Variants in ARID5A observed in about 807,000 individuals in gnomAD.
ARID5A encodes the protein AT-rich interactive domain-containing protein 5A.
Under a neutral mutation model 30.5 loss-of-function variants are expected in ARID5A, and 14 were observed. The observed-to-expected ratio is 0.46, with a 90% CI of 0.30 to 0.72. The LOEUF (loss-of-function observed/expected upper bound fraction) is 0.72. Among genes scored for constraint, ARID5A ranks in the 30% least tolerant of loss-of-function variants. The probability of loss-of-function intolerance (pLI) is 0.07; values close to 1 mark genes in which losing one functional copy is unlikely to be tolerated. For synonymous variants in ARID5A, 338 were observed against 340.4 expected, an observed-to-expected ratio of 0.99 and a Z score of 0.08; for missense variants, 669 against 786.2, an observed-to-expected ratio of 0.85 and a Z score of 1.78.
At chr2:96,544,880 G>A (rs2065900428) in intron 1 of ARID5A, among the ~76,000 whole-genome samples, 1 of 152,182 alleles carries the variant, frequency 6.6e-6, no homozygotes, top group African/African-American at 2.4e-5. Flanking sequence ...TGTGGTTCGT[G>A]GGAGGAGGTC....
Position 96,550,574 on chromosome 2 carries a change from G to A in ARID5A, c.411G>A (p.Arg137=). The change falls in exon 6 of 7, where the codon AGG becomes AGA. Residue 137 remains arginine (R), a splice_region_variant and synonymous_variant. Transcript: ENST00000357485. This position sits in a 1 kb window ranked among gnomAD's most constrained non-coding sequence, Gnocchi z 6.6. ...AATCTRRHYE[R]LVLPYVRHLK... is the part of the protein sequence containing the mutation. The stretch of plus-strand genomic sequence containing the variant: ...GGGGACATGCGTGGTTCCTCACCAG[G>A]CTGGTCCTGCCATACGTGCGGCACC... 1 of 1,595,780 alleles carries A rather than the reference G, an allele frequency of 6.3e-7. No homozygotes were observed. Among genetic ancestry groups the A allele is most frequent in the African/African-American group, 1.3e-5 (1 of 74,642 alleles).
chr2:96,550,519 C>T lies in ARID5A; in HGVS notation c.411-55C>T. On this transcript the variant is annotated intron_variant, in intron 5 of 6. Transcript: ENST00000357485. The surrounding 1 kb of genome is among the most constrained non-coding windows in gnomAD (Gnocchi z 6.6). Reference sequence around the variant, plus strand: ...GGGGGCTCAGAGGAGGCTACAGAGGCCCAGGGAGGGGATGGGCGCCGGCCT... The same window carrying T: ...GGGGGCTCAGAGGAGGCTACAGAGGTCCAGGGAGGGGATGGGCGCCGGCCT... 1 of 1,535,936 alleles carries T rather than the reference C, an allele frequency of 6.5e-7. No individual in the cohort carries two copies. The highest frequency in any genetic ancestry group is 8.8e-7 in the Non-Finnish European group (1 of 1,139,366).
Position 96,550,289 on chromosome 2 carries a change from C to T in ARID5A, c.410+4C>T, listed in dbSNP as rs945111325. 2.8e-5 allele frequency: 40 copies of T among 1,444,130 alleles called. No homozygotes were observed. The East Asian group carries it at 4.9e-4, about 18-fold the overall frequency. 89.5% of individuals were successfully genotyped at this position (1,444,130 alleles called of 1,614,324 possible). A position where few individuals can be genotyped will look rare whatever the true frequency, so the allele number is the denominator to read the frequency against. ...GCACGCGCCGCCACTACGAGAGGTACGGCGGGGCGGGCCCGGGTGCTGGAC... is the reference window on the plus strand; with the variant it reads ...GCACGCGCCGCCACTACGAGAGGTATGGCGGGGCGGGCCCGGGTGCTGGAC... On this transcript the variant is annotated splice_donor_region_variant and intron_variant, in intron 5 of 6. Coordinates refer to ENST00000357485, the MANE Select transcript of ARID5A (RefSeq NM_212481.3). This position sits in a 1 kb window ranked among gnomAD's most constrained non-coding sequence, Gnocchi z 6.6.
chr2:96,552,419 GGCCATGCCCCTGGCTGGGCA>G lies in ARID5A; in HGVS notation c.*110_*129del. 6.4e-6 allele frequency: 10 copies of G among 1,567,924 alleles called. No individual in the cohort carries two copies. Among genetic ancestry groups the G allele is most frequent in the Non-Finnish European group, 7.8e-6 (9 of 1,158,374 alleles). On this transcript the variant is annotated 3_prime_UTR_variant, in exon 7 of 7. Transcript: ENST00000357485. ...TAGTGCCTGCTACCCAGGACACCCG[GGCCATGCCCCTGGCTGGGCA>G]GCCTGGCACAAGTGAAGAAGAAGGC...
At position 96,537,973 on chromosome 2, in the gene ARID5A, A is replaced by C. The variant is rs1314876613; in HGVS notation, c.4+1143A>C. 1 of 985,278 alleles carries C rather than the reference A, an allele frequency of 1.0e-6. No homozygotes were observed. Among genetic ancestry groups the C allele is most frequent in the East Asian group, 1.1e-4 (1 of 8,816 alleles). 61.0% of individuals were successfully genotyped at this position (985,278 alleles called of 1,614,324 possible). A position where few individuals can be genotyped will look rare whatever the true frequency, so the allele number is the denominator to read the frequency against. On this transcript the variant is annotated intron_variant, in intron 1 of 6. Coordinates refer to ENST00000357485, the MANE Select transcript of ARID5A (RefSeq NM_212481.3). The surrounding 1 kb of genome is among the most constrained non-coding windows in gnomAD (Gnocchi z 4.8). Reference sequence around the variant, plus strand: ...GCTCCTCTGGTGGGAGCCCACACGCACGGTGGCGTCACTGCGCCTACAGGC... The same window carrying C: ...GCTCCTCTGGTGGGAGCCCACACGCCCGGTGGCGTCACTGCGCCTACAGGC...
rs2065812929 is a variant in ARID5A at position 96,539,760 on chromosome 2, G to T, written c.4+2930G>T. ...CCGCTGCTGCCCAGCTCTCTGACCA[G>T]CCCCCTCCCATCCCTGAGCCTGGAT... On this transcript the variant is annotated intron_variant, in intron 1 of 6. Transcript: ENST00000357485. This position sits in a 1 kb window ranked among gnomAD's most constrained non-coding sequence, Gnocchi z 4.7. 7.2e-6 allele frequency among the ~76,000 whole-genome samples: 1 copy of T among 138,382 alleles called. No individual in the cohort carries two copies. The highest frequency in any genetic ancestry group is 3.0e-5 in the African/African-American group (1 of 32,908). 90.8% of individuals were successfully genotyped at this position (138,382 alleles called of 152,430 possible).
Position 96,550,228 on chromosome 2 carries a change from TG to T in ARID5A, c.359del (p.Gly120AlafsTer27), listed in dbSNP as rs1553396943. ...CTCTGGAAGAACGTGTACGACGAGC[TG>T]GGGGGCAGCCCAGGCAGCACCAGCG... ...RRLWKNVYDE[L>X]GGSPGSTSAA... On this transcript the variant is annotated frameshift_variant, in exon 5 of 7. Coordinates refer to ENST00000357485, the MANE Select transcript of ARID5A (RefSeq NM_212481.3). LOFTEE classifies it high-confidence loss of function. The surrounding 1 kb of genome is among the most constrained non-coding windows in gnomAD (Gnocchi z 6.6). 4 of 1,532,252 alleles carry T rather than the reference TG, an allele frequency of 2.6e-6. No individual in the cohort carries two copies. Among genetic ancestry groups the T allele is most frequent in the Non-Finnish European group, 3.5e-6 (4 of 1,141,484 alleles). The allele number at this position is 1,532,252 out of a possible 1,614,324, so 94.9% of individuals were successfully genotyped here.
rs1466965397 is a variant in ARID5A at position 96,550,687 on chromosome 2, C to T, written c.524C>T (p.Ala175Val). 6.3e-7 allele frequency: 1 copy of T among 1,598,994 alleles called. No homozygotes were observed. Among genetic ancestry groups the T allele is most frequent in the South Asian group, 1.1e-5 (1 of 88,032 alleles). ...AAGGAGAACAGGGGGGATGATGGGG[C>T]CACCGAGAGGCCGAAGAAGGCCAAG... ...MAKENRGDDG[A>V]TERPKKAKEE... The change falls in exon 6 of 7, where the codon GCC becomes GTC. Residue 175 changes from alanine (A) to valine (V), a missense_variant. Around this residue, in one of 4 missense-constraint regions of ARID5A, gnomAD observed 548 missense variants for 577.4 expected, o/e 0.95. Coordinates refer to ENST00000357485, the MANE Select transcript of ARID5A (RefSeq NM_212481.3). This position sits in a 1 kb window ranked among gnomAD's most constrained non-coding sequence, Gnocchi z 6.6.
Position 96,537,588 on chromosome 2 carries a change from TG to T in ARID5A, c.4+759del, listed in dbSNP as rs1484104379. On this transcript the variant is annotated intron_variant, in intron 1 of 6. Coordinates refer to ENST00000357485, the MANE Select transcript of ARID5A (RefSeq NM_212481.3). This position sits in a 1 kb window ranked among gnomAD's most constrained non-coding sequence, Gnocchi z 4.8. ...CTCTCCTGTCCCTTGTGTGTCCCCT[TG>T]TCTTCCCTCGGTCTGCAGAAGGGAC... 1.3e-5 allele frequency: 2 copies of T among 152,482 alleles called. No individual in the cohort carries two copies. Among genetic ancestry groups the T allele is most frequent in the Admixed American group, 6.5e-5 (1 of 15,290 alleles). The allele number at this position is 152,482 out of a possible 1,614,324, so 9.4% of individuals were successfully genotyped here.
In ARID5A at chr2:96,549,443, T is replaced by C; in HGVS notation, c.243T>C (p.His81=). The change falls in exon 3 of 7, where the codon CAT becomes CAC. Residue 81 remains histidine, a synonymous_variant. Transcript: ENST00000357485. The surrounding 1 kb of genome is among the most constrained non-coding windows in gnomAD (Gnocchi z 6.1). ...ERHTPIERVP[H]LGFKQINLWK... is the part of the protein sequence containing the mutation. The stretch of plus-strand genomic sequence containing the variant: ...ACACGCCCATCGAGAGGGTGCCCCA[T>C]CTCGGCTTCAAGCAGAGTGCGTCCC... 1 of 1,613,066 alleles carries C rather than the reference T, an allele frequency of 6.2e-7. No individual in the cohort carries two copies. The highest frequency in any genetic ancestry group is 1.1e-5 in the South Asian group (1 of 91,024).
At chr2:96,547,839 C>T (rs1018131260) in intron 2 of ARID5A, among the ~76,000 whole-genome samples, 2 of 152,206 alleles carry the variant, frequency 1.3e-5, no homozygotes, top group African/African-American at 4.8e-5. Context: ...TAAAGTCACT[C>T]GGTGAGACCA....
At chr2:96,545,903 A>G (rs2065919313) in intron 1 of ARID5A, among the ~76,000 whole-genome samples, 1 of 152,038 alleles carries the variant, frequency 6.6e-6, no homozygotes, top group Non-Finnish European at 1.5e-5. Context: ...GCAGTGAGCC[A>G]AGATCACGCC....
rs756270639 is a variant in ARID5A at position 96,551,160 on chromosome 2, C to T, written c.632C>T (p.Pro211Leu). Residue 211 changes from proline to leucine, a missense_variant, in exon 7 of 7, where the codon CCC (proline) becomes CTC (leucine). Around this residue, in one of 4 missense-constraint regions of ARID5A, gnomAD observed 548 missense variants for 577.4 expected, o/e 0.95. Coordinates refer to ENST00000357485, the MANE Select transcript of ARID5A (RefSeq NM_212481.3). ...ADPAPLPSQE[P>L]PRNSTEQQGL... ...CCAGCACCACTTCCCAGCCAGGAGC[C>T]CCCCAGGAACAGCACAGAACAGCAG... The T allele has an allele frequency of 1.9e-5, 31 of 1,613,774 alleles. No individual in the cohort carries two copies. Among genetic ancestry groups the T allele is most frequent in the Non-Finnish European group, 2.5e-5 (30 of 1,179,912 alleles).
Position 96,550,021 on chromosome 2 carries a change from G to C in ARID5A, c.313-167G>C. The C allele has an allele frequency of 6.5e-7, 1 of 1,533,910 alleles. No homozygotes were observed. The highest frequency in any genetic ancestry group is 2.4e-5 in the East Asian group (1 of 40,874). ...GCCCCGTGTTGGGAAAACTGCTTGG[G>C]CCAGCAGTCCATGGCCCTAGGAGAG... is the stretch of plus-strand genomic sequence containing the variant. On this transcript the variant is annotated intron_variant, in intron 4 of 6. Coordinates refer to ENST00000357485, the MANE Select transcript of ARID5A (RefSeq NM_212481.3). This position sits in a 1 kb window ranked among gnomAD's most constrained non-coding sequence, Gnocchi z 6.6.
In ARID5A at chr2:96,552,329, T is replaced by C. The variant is rs1285210824; in HGVS notation, c.*16T>C. The C allele has an allele frequency of 1.9e-6, 3 of 1,613,132 alleles. No individual in the cohort carries two copies. In the African/African-American group the frequency reaches 4.0e-5, roughly 22 times the overall value. ...CAAGCTGTAGGCCAGCCCATGGTGT[T>C]GTGTACACTGTGGAGTCGACAGGGG... is the stretch of plus-strand genomic sequence containing the variant. On this transcript the variant is annotated 3_prime_UTR_variant, in exon 7 of 7. Coordinates refer to ENST00000357485, the MANE Select transcript of ARID5A (RefSeq NM_212481.3).
At position 96,551,259 on chromosome 2, in the gene ARID5A, C is replaced by G; in HGVS notation, c.731C>G (p.Ser244Cys). Residue 244 changes from serine (S) to cysteine (C), a missense_variant, in exon 7 of 7, where the codon TCC becomes TGC. Coordinates refer to ENST00000357485, the MANE Select transcript of ARID5A (RefSeq NM_212481.3). ...GCPEAYKRLL[S>C]SFYCKGTHGI... is the part of the protein sequence containing the mutation. ...CCTGAGGCCTACAAGCGGCTCCTAT[C>G]CAGCTTCTACTGCAAGGGGACACAC... is the stretch of plus-strand genomic sequence containing the variant. 3 of 1,613,950 alleles carry G rather than the reference C, an allele frequency of 1.9e-6. No individual in the cohort carries two copies. The highest frequency in any genetic ancestry group is 2.5e-6 in the Non-Finnish European group (3 of 1,180,016).
Position 96,539,754 on chromosome 2 carries a change from T to C in ARID5A, c.4+2924T>C, listed in dbSNP as rs1186236500. ...CTCTCCCCGCTGCTGCCCAGCTCTCTGACCAGCCCCCTCCCATCCCTGAGC... is the reference window on the plus strand; with the variant it reads ...CTCTCCCCGCTGCTGCCCAGCTCTCCGACCAGCCCCCTCCCATCCCTGAGC... On this transcript the variant is annotated intron_variant, in intron 1 of 6. Coordinates refer to ENST00000357485, the MANE Select transcript of ARID5A (RefSeq NM_212481.3). The surrounding 1 kb of genome is among the most constrained non-coding windows in gnomAD (Gnocchi z 4.7). Among the ~76,000 whole-genome samples, 1 of 145,938 alleles carries C rather than the reference T, an allele frequency of 6.9e-6. No homozygotes were observed. The highest frequency in any genetic ancestry group is 2.6e-5 in the African/African-American group (1 of 38,754).
At chr2:96,544,171 A>G (rs2065887842) in intron 1 of ARID5A, among the ~76,000 whole-genome samples, 1 of 152,262 alleles carries the variant, frequency 6.6e-6, no homozygotes, top group South Asian at 2.1e-4. Flanking sequence ...GAAAGACGCC[A>G]TCACCATCAC....
intron 1 of ARID5A, among the ~76,000 whole-genome samples, chr2:96,543,516 T>C (rs781708077): frequency 1.3e-5 from 2 of 152,176 alleles, no homozygotes; most frequent in Non-Finnish European, 2.9e-5. Flanking sequence ...TTATTATATC[T>C]GTTATGGTGA....
Sources: gnomAD v4.1 joint callset for allele counts (sites outside exome capture counted in the v4.1 genomes callset) on GRCh38, gnomAD v4.1.1 for gene constraint, gnomAD v4.1.1 regional missense constraint, Gnocchi (gnomAD v3.1) non-coding constraint, MANE v1.5 for transcripts, NCBI Gene and HGNC (gene_info 2026-07-23, HGNC 2026-07-21) for gene names.